Variants in CDK8 observed in about 807,000 individuals in gnomAD.
The protein encoded by CDK8 is cyclin dependent kinase 8, also known as cyclin-dependent kinase 8.
CDK8 carries 29 observed loss-of-function variants against 71.5 expected under a neutral mutation model. The ratio of observed to expected loss-of-function variants is 0.41; its 90% CI spans 0.30 to 0.55. The LOEUF (loss-of-function observed/expected upper bound fraction) is 0.55, where lower values mean the gene tolerates loss of function less well. CDK8 is among the 20% of genes least tolerant of loss of function. The pLI, the probability that CDK8 is intolerant of heterozygous loss-of-function variation, is 0.37. For synonymous variants in CDK8, 161 were observed against 192.1 expected, an observed-to-expected ratio of 0.84 and a Z score of 1.34; for missense variants, 288 against 572.6, an observed-to-expected ratio of 0.50 and a Z score of 5.07.
Position 26,348,093 on chromosome 13 carries a change from G to GAT in CDK8, c.205-969_205-968dup, listed in dbSNP as rs200782667. Among the ~76,000 whole-genome samples the GAT allele has an allele frequency of 4.5e-4, 68 of 151,550 alleles. No homozygotes were observed. In the East Asian group the frequency reaches 0.012, roughly 27 times the overall value. Reference sequence around the variant, plus strand: ...TGATATCTATATATATATCTATATAGATATATATATAGATATGCATAGAGT... The same window carrying GAT: ...TGATATCTATATATATATCTATATAGATATATATATATAGATATGCATAGAGT... On this transcript the variant is annotated intron_variant, in intron 2 of 12. Coordinates refer to ENST00000381527, the MANE Select transcript of CDK8 (RefSeq NM_001260.3).
At chr13:26,272,243 A>G (rs191003425) in intron 1 of CDK8, among the ~76,000 whole-genome samples, 6 of 152,190 alleles carry the variant, frequency 3.9e-5, no homozygotes, top group Admixed American at 3.3e-4. Flanking sequence ...TGTAATCCCA[A>G]CACTTCGGGA....
At chr13:26,317,042 G>T (rs1371718124) in intron 1 of CDK8, among the ~76,000 whole-genome samples, 2 of 152,148 alleles carry the variant, frequency 1.3e-5, no homozygotes, top group Non-Finnish European at 2.9e-5. Flanking sequence ...AATGGAAATG[G>T]TATCAAGTAT....
At position 26,393,407 on chromosome 13, in the gene CDK8, G is replaced by T; in HGVS notation, c.687G>T (p.Thr229=). The T allele has an allele frequency of 1.9e-6, 3 of 1,609,780 alleles. No homozygotes were observed. The highest frequency in any genetic ancestry group is 2.2e-5 in the South Asian group (2 of 90,936). ...AIGCIFAELL[T]SEPIFHCRQE... is the part of the protein sequence containing the mutation. The stretch of plus-strand genomic sequence containing the variant: ...GGTGTATATTTGCAGAACTACTAAC[G>T]TCAGAACCAATATTTCACTGTCGAC... The change falls in exon 7 of 13, where the codon ACG becomes ACT. Residue 229 remains threonine, a synonymous_variant. Transcript: ENST00000381527.
At chr13:26,392,890 A>G (rs1324472916) in intron 6 of CDK8, among the ~76,000 whole-genome samples, 3 of 152,234 alleles carry the variant, frequency 2.0e-5, no homozygotes, top group African/African-American at 7.2e-5. Context: ...AAAATAAAAA[A>G]TATTTTATCA....
chr13:26,348,573 G>T (rs1367389826), intron 2 of CDK8, among the ~76,000 whole-genome samples: 3 of 135,396 alleles, frequency 2.2e-5, no homozygotes, highest in Non-Finnish European at 4.8e-5. Context: ...CCCAGCCCCC[G>T]CCCTGCACCT....
chr13:26,319,502 T>TA lies in CDK8; in HGVS notation c.129-18063dup, dbSNP rs368027528. 4.0e-3 allele frequency among the ~76,000 whole-genome samples: 603 copies of TA among 151,898 alleles called. 7 individuals are homozygous for TA. Among genetic ancestry groups the TA allele is most frequent in the African/African-American group, 0.014 (568 of 41,432 alleles). The stretch of plus-strand genomic sequence containing the variant: ...AAAAAAGAATAAAATACTTAGGAAT[T>TA]AACCAAGAGGTAAAAGTCTTGTTCA... On this transcript the variant is annotated intron_variant, in intron 1 of 12. Transcript: ENST00000381527.
At chr13:26,387,292 T>A (rs1025499285) in intron 6 of CDK8, among the ~76,000 whole-genome samples, 1 of 152,200 alleles carries the variant, frequency 6.6e-6, no homozygotes, top group Admixed American at 6.5e-5. Context: ...TGTTTTGATC[T>A]CTCCCTTCCA....
In CDK8 at chr13:26,332,185, C is replaced by A. The variant is rs116342219; in HGVS notation, c.129-5382C>A. 6.8e-3 allele frequency among the ~76,000 whole-genome samples: 1,025 copies of A among 151,798 alleles called. 16 individuals are homozygous for A. The highest frequency in any genetic ancestry group is 0.023 in the African/African-American group (943 of 41,370). ...CCTGCAACTTTACTGAATTTATTTGCCAAATCTAAGAGTTGTTTTTGGTGG... is the reference window on the plus strand; with the variant it reads ...CCTGCAACTTTACTGAATTTATTTGACAAATCTAAGAGTTGTTTTTGGTGG... On this transcript the variant is annotated intron_variant, in intron 1 of 12. Coordinates refer to ENST00000381527, the MANE Select transcript of CDK8 (RefSeq NM_001260.3).
chr13:26,384,737 A>G (rs1334659607), intron 5 of CDK8, among the ~76,000 whole-genome samples: 1 of 152,226 alleles, frequency 6.6e-6, no homozygotes, highest in Non-Finnish European at 1.5e-5. Context: ...AGTGAAATTC[A>G]TCCCAAGTAA....
rs147493176 is a variant in CDK8, at chr13:26,389,505, G to A, written c.647-3862G>A. Among the ~76,000 whole-genome samples, 54 of 152,058 alleles carry A rather than the reference G, an allele frequency of 3.6e-4. 1 individual carries two copies. The East Asian group carries it at 8.6e-3, about 24-fold the overall frequency. ...ATAAAAACAGCTGCCTTCTGAGGCC[G>A]GGAAGTTACAGAGGGAACTGACTTG... On this transcript the variant is annotated intron_variant, in intron 6 of 12. Coordinates refer to ENST00000381527, the MANE Select transcript of CDK8 (RefSeq NM_001260.3).
intron 1 of CDK8, among the ~76,000 whole-genome samples, chr13:26,323,314 AGAGAGAGAGAGAGG>A (rs1264799807): frequency 7.6e-6 from 1 of 131,468 alleles, no homozygotes; most frequent in East Asian, 2.3e-4. Context: ...AGAGAGAGAG[AGAGAGAGAGAGAGG>A]GAGAGAGAGA....
At chr13:26,388,807 A>T (rs7331807) in intron 6 of CDK8, among the ~76,000 whole-genome samples, 1 of 152,000 alleles carries the variant, frequency 6.6e-6, no homozygotes, top group Admixed American at 6.5e-5. Context: ...TCTTGTCCCA[A>T]TGGCTGTATG....
At chr13:26,371,993 A>T in intron 4 of CDK8, among the ~76,000 whole-genome samples, 1 of 152,210 alleles carries the variant, frequency 6.6e-6, no homozygotes, top group East Asian at 1.9e-4. Flanking sequence ...GATTACAGCC[A>T]TGTAATTTAA....
chr13:26,359,840 C>T (rs1874056459), intron 4 of CDK8: 3 of 251,562 alleles, frequency 1.2e-5, no homozygotes, highest in South Asian at 1.0e-4. Context: ...CTTAGCCTCC[C>T]AAGTAGCTGG....
chr13:26,347,229 A>C (rs1198172784), intron 2 of CDK8, among the ~76,000 whole-genome samples: 1 of 152,196 alleles, frequency 6.6e-6, no homozygotes, highest in African/African-American at 2.4e-5. Context: ...AACCCATGAA[A>C]ATATGCTCTC....
intron 1 of CDK8, among the ~76,000 whole-genome samples, chr13:26,255,722 T>A (rs1470924140): frequency 6.6e-6 from 1 of 152,220 alleles, no homozygotes; most frequent in Non-Finnish European, 1.5e-5. Context: ...TAGAAAATTA[T>A]TGAAAAGTCA....
In CDK8 at chr13:26,404,203, A is replaced by G. The variant is rs1876406641; in HGVS notation, c.*122A>G. On this transcript the variant is annotated 3_prime_UTR_variant, in exon 13 of 13. Transcript: ENST00000381527. ...GTACAACCACATCTTCAAAATGTCC[A>G]GTAGCCAAGTTCCACCACTTTTCAC... is the stretch of plus-strand genomic sequence containing the variant. The G allele has an allele frequency of 8.6e-7, 1 of 1,157,764 alleles. No homozygotes were observed. The allele number at this position is 1,157,764 out of a possible 1,614,324, so 71.7% of individuals were successfully genotyped here.
In CDK8 at chr13:26,320,985, C is replaced by G. The variant is rs565439836; in HGVS notation, c.129-16582C>G. On this transcript the variant is annotated intron_variant, in intron 1 of 12. Transcript: ENST00000381527. ...TAGCAGTGTCTTAAAAATACAATTA[C>G]TGTATTATTCAGCAATTCCACTTCT... Among the ~76,000 whole-genome samples the G allele has an allele frequency of 2.0e-5, 3 of 152,256 alleles. No individual in the cohort carries two copies. The South Asian group carries it at 6.2e-4, about 32-fold the overall frequency.
chr13:26,291,687 T>C (rs1208180021), intron 1 of CDK8, among the ~76,000 whole-genome samples: 1 of 152,216 alleles, frequency 6.6e-6, no homozygotes, highest in African/African-American at 2.4e-5. Context: ...TTTTTAAATT[T>C]AGAGTAATCT....
Sources: allele counts gnomAD v4.1 joint callset (sites outside exome capture counted in the v4.1 genomes callset), GRCh38; gene constraint gnomAD v4.1.1; transcripts MANE v1.5; gene names NCBI Gene and HGNC (gene_info 2026-07-23, HGNC 2026-07-21).